The following GPS2 variants were observed in gnomAD, a reference collection of about 807,000 sequenced individuals.
GPS2 encodes the protein GPS-2.
In GPS2, 22 loss-of-function variants were observed where a neutral mutation model predicts 48.1. That is an observed-to-expected ratio of 0.46 (90% confidence interval 0.33 to 0.65). The LOEUF (loss-of-function observed/expected upper bound fraction) is 0.65, where lower values mean the gene tolerates loss of function less well. Ranked by LOEUF, GPS2 falls within the 30% of genes least tolerant of loss-of-function variation. The pLI, the probability that GPS2 is intolerant of heterozygous loss-of-function variation, is 0.03. For missense variants in GPS2, 366 were observed against 406.8 expected (o/e 0.90, Z 0.86); for synonymous variants, 202 against 142.5 (o/e 1.42, Z -2.98).
Position 7,314,530 on chromosome 17 carries a change from CT to C in GPS2, c.161del (p.Lys54ArgfsTer9). Reference protein sequence around the residue: ...MKEEQERRKKKEMEERMSLEE... With the variant: ...MKEEQERRKKXEMEERMSLEE... ...CTAATGACATTCTCTCTTCCATCTC[CT>C]TTTTCTTCCTTCTCTCCTGTTCTTC... On this transcript the variant is annotated frameshift_variant, in exon 3 of 11. Transcript: ENST00000380728. LOFTEE classifies it high-confidence loss of function. The C allele has an allele frequency of 6.2e-7, 1 of 1,613,996 alleles. No individual in the cohort carries two copies. The highest frequency in any genetic ancestry group is 8.5e-7 in the Non-Finnish European group (1 of 1,179,848).
In GPS2 at chr17:7,315,350, T is replaced by C; in HGVS notation, c.-87A>G. On this transcript the variant is annotated 5_prime_UTR_variant, in exon 1 of 11. Coordinates refer to ENST00000380728, the MANE Select transcript of GPS2 (RefSeq NM_004489.5). ...TCCTACCCGCCTTCTCTGCGCTTTC[T>C]CAGCGGCTCCGACGCGCCCTGGCCC... is the stretch of plus-strand genomic sequence containing the variant. 2.5e-6 allele frequency: 1 copy of C among 393,228 alleles called. No individual in the cohort carries two copies. Among genetic ancestry groups the C allele is most frequent in the Non-Finnish European group, 4.5e-6 (1 of 223,298 alleles). 24.4% of individuals were successfully genotyped at this position (393,228 alleles called of 1,614,324 possible). A position where few individuals can be genotyped will look rare whatever the true frequency, so the allele number is the denominator to read the frequency against.
At chr17:7,314,788 C>T in intron 2 of GPS2, 171 bp downstream of exon 2, 1 of 1,300,516 alleles carries the variant, frequency 7.7e-7, no homozygotes, top group South Asian at 1.3e-5. Flanking sequence ...CTTCCCATCT[C>T]AAGGGTTCTG....
rs1235634360 is a variant in GPS2 at position 7,314,110 on chromosome 17, G to T, written c.367C>A (p.His123Asn). The T allele has an allele frequency of 6.2e-7, 1 of 1,614,140 alleles. No individual in the cohort carries two copies. The highest frequency in any genetic ancestry group is 1.1e-5 in the South Asian group (1 of 91,062). Reference protein sequence around the residue: ...SAAYQQSLTVHTGTHLLSMQG... With the variant: ...SAAYQQSLTVNTGTHLLSMQG... ...ATGCTGAGGAGATGAGTTCCTGTGT[G>T]AACAGTCAGGCTCTGCTGGTATGCA... Residue 123 changes from histidine to asparagine, a missense_variant, in exon 5 of 11, where the codon CAC becomes AAC. Transcript: ENST00000380728.
At chr17:7,313,157 C>G in intron 9 of GPS2, 33 bp from the exon 10 acceptor site, 1 of 1,608,194 alleles carries the variant, frequency 6.2e-7, no homozygotes, top group Non-Finnish European at 8.5e-7. Flanking sequence ...CTGAGGCATA[C>G]TGAAGCTCCC....
At position 7,314,048 on chromosome 17, in the gene GPS2, C is replaced by T. The variant is rs57589460; in HGVS notation, c.397+32G>A. On this transcript the variant is annotated intron_variant, in intron 5 of 10. Transcript: ENST00000380728. ...GGGAGGCTGTGACCTCCAAGAAGGC[C>T]GGTTCCATCTGGTGGTTTCTTTAGT... 270 of 1,610,552 alleles carry T rather than the reference C, an allele frequency of 1.7e-4. 1 individual carries two copies. In the East Asian group the frequency reaches 5.6e-3, roughly 34 times the overall value.
intron 2 of GPS2, 44 bp downstream of exon 2, chr17:7,314,915 A>G: frequency 6.5e-7 from 1 of 1,544,914 alleles, no homozygotes; most frequent in South Asian, 1.2e-5. Flanking sequence ...GAGGTACAGG[A>G]GCCATTCTGG....
Position 7,314,548 on chromosome 17 carries a change from C to G in GPS2, c.144G>C (p.Gln48His). The G allele has an allele frequency of 1.2e-6, 2 of 1,613,616 alleles. No homozygotes were observed. The highest frequency in any genetic ancestry group is 1.3e-5 in the African/African-American group (1 of 75,036). Residue 48 changes from glutamine to histidine, a missense_variant, in exon 3 of 11, where the codon CAG (glutamine) becomes CAC (histidine). Physicochemically the swap from Gln to His is conservative, Grantham distance 24 (BLOSUM62 0). This residue lies in a region of GPS2 where 88 missense variants were observed against 107.4 expected (regional missense o/e 0.82). Coordinates refer to ENST00000380728, the MANE Select transcript of GPS2 (RefSeq NM_004489.5). ...CCATCTCCTTTTTCTTCCTTCTCTC[C>G]TGTTCTTCCTTCATCTTCTGTTCCA... is the stretch of plus-strand genomic sequence containing the variant. Reference protein sequence around the residue: ...KMMEQKMKEEQERRKKKEMEE... With the variant: ...KMMEQKMKEEHERRKKKEMEE...
chr17:7,314,726 C>T, intron 2 of GPS2, 129 bp from the exon 3 acceptor site: 1 of 1,538,350 alleles, frequency 6.5e-7, no homozygotes, highest in South Asian at 1.2e-5. Context: ...GGACAAGCTC[C>T]CCATCGCGGC....
Position 7,312,766 on chromosome 17 carries a change from T to G in GPS2, c.974A>C (p.Tyr325Ser), listed in dbSNP as rs776473038. The change falls in exon 11 of 11, where the codon TAC (tyrosine) becomes TCC (serine). Residue 325 changes from tyrosine to serine, a missense_variant. Physicochemically the swap from Tyr to Ser is moderately radical, Grantham distance 144. Around this residue, in one of 3 missense-constraint regions of GPS2, gnomAD observed 275 missense variants for 282.3 expected, o/e 0.97. Coordinates refer to ENST00000380728, the MANE Select transcript of GPS2 (RefSeq NM_004489.5). ...FIQHSQNPRF[Y>S]HK ...GATATAATCTGATGGTCACTTGTGG[T>G]AGAATCGCGGGTTCTGGCTGTGTTG... 3.7e-6 allele frequency: 6 copies of G among 1,613,532 alleles called. No homozygotes were observed. The highest frequency in any genetic ancestry group is 5.1e-6 in the Non-Finnish European group (6 of 1,179,612).
rs1238534513 is a variant in GPS2 at position 7,315,007 on chromosome 17, T to C, written c.46A>G (p.Arg16Gly). Residue 16 changes from arginine to glycine, a missense_variant, in exon 2 of 11, where the codon AGG becomes GGG. Transcript: ENST00000380728. The part of the protein sequence containing the change: ...ERPKLSNAMA[R>G]ALHRHIMMER... ...ATCATAATGTGCCGGTGCAGCGCCC[T>C]GGCCATGGCGTTGGAAAGCTTGGGG... 1.2e-6 allele frequency: 2 copies of C among 1,604,482 alleles called. No individual in the cohort carries two copies. Among genetic ancestry groups the C allele is most frequent in the Admixed American group, 1.7e-5 (1 of 59,036 alleles).
rs1567615267 is a variant in GPS2, at chr17:7,313,049, G to T, written c.880C>A (p.Gln294Lys). ...GLLASPQLPV[Q>K]MQPAGKSGFA... is the part of the protein sequence containing the mutation. ...CTTACCTTTCCTGCTGGCTGCATCT[G>T]CACAGGGAGCTGGGGGGAAGCAAGG... Residue 294 changes from glutamine (Q) to lysine (K), a missense_variant, in exon 10 of 11, where the codon CAG (glutamine) becomes AAG (lysine). By Grantham distance (53) the Gln-to-Lys change is moderately conservative. This residue lies in a region of GPS2 where 275 missense variants were observed against 282.3 expected (regional missense o/e 0.97). Transcript: ENST00000380728. The T allele has an allele frequency of 6.4e-7, 1 of 1,555,246 alleles. No individual in the cohort carries two copies. The highest frequency in any genetic ancestry group is 1.2e-5 in the South Asian group (1 of 81,370).
At chr17:7,314,884 C>A in intron 2 of GPS2, 75 bp downstream of exon 2, 1 of 1,500,508 alleles carries the variant, frequency 6.7e-7, no homozygotes, top group African/African-American at 1.4e-5. Flanking sequence ...GCTGGTTGGC[C>A]GGTGGGTTGA....
rs1003523035 is a variant in GPS2, at chr17:7,313,204, A to G, written c.804+8T>C. The G allele has an allele frequency of 2.5e-6, 4 of 1,613,612 alleles. No homozygotes were observed. Among genetic ancestry groups the G allele is most frequent in the Non-Finnish European group, 3.4e-6 (4 of 1,179,522 alleles). On this transcript the variant is annotated splice_region_variant and intron_variant, in intron 9 of 10. Transcript: ENST00000380728. ...CCTAACCCTGACCTCCCAAGGTGCCATACTCACTGAGTCGGAGAAGCCAGT... is the reference window on the plus strand; with the variant it reads ...CCTAACCCTGACCTCCCAAGGTGCCGTACTCACTGAGTCGGAGAAGCCAGT...
chr17:7,315,141 G>C (rs1189688361), intron 1 of GPS2, 22 bp from the exon 2 acceptor site: 1 of 984,728 alleles, frequency 1.0e-6, no homozygotes, highest in Non-Finnish European at 1.4e-6. Context: ...CGGGCGCTCA[G>C]AGGGGGCCGC....
chr17:7,312,723 G>C lies in GPS2; in HGVS notation c.*33C>G, dbSNP rs374342877. The C allele has an allele frequency of 6.8e-5, 102 of 1,496,098 alleles. No individual in the cohort carries two copies. The highest frequency in any genetic ancestry group is 3.8e-4 in the South Asian group (34 of 88,742). The allele number at this position is 1,496,098 out of a possible 1,614,324, so 92.7% of individuals were successfully genotyped here. On this transcript the variant is annotated 3_prime_UTR_variant, in exon 11 of 11. Transcript: ENST00000380728. ...GGGATACCCTCACCCACGATGGGGT[G>C]GGGGGTGTGGTGTTGAAGATATAAT...
chr17:7,313,035 T>G lies in GPS2; in HGVS notation c.894A>C (p.Ala298=). ...SPQLPVQMQP[A]GKSGFAATSQ... ...ATTCTATTACCATTCTTACCTTTCC[T>G]GCTGGCTGCATCTGCACAGGGAGCT... is the stretch of plus-strand genomic sequence containing the variant. Residue 298 remains alanine, a synonymous_variant, in exon 10 of 11, where the codon GCA becomes GCC. Transcript: ENST00000380728. 1 of 1,547,952 alleles carries G rather than the reference T, an allele frequency of 6.5e-7. No individual in the cohort carries two copies. The highest frequency in any genetic ancestry group is 8.7e-7 in the Non-Finnish European group (1 of 1,145,786).
Position 7,313,985 on chromosome 17 carries a change from C to T in GPS2, c.401G>A (p.Ser134Asn). 1 of 1,613,876 alleles carries T rather than the reference C, an allele frequency of 6.2e-7. No homozygotes were observed. The highest frequency in any genetic ancestry group is 2.2e-5 in the East Asian group (1 of 44,876). The change falls in exon 6 of 11, where the codon AGC becomes AAC. Residue 134 changes from serine to asparagine, a missense_variant. Ser to Asn is a conservative substitution (Grantham distance 46). Transcript: ENST00000380728. ...GCCTGGGCGATTGTGTCCTCCAGGGCTCCCTAGAAAGGGAGAAGGGCTTCA... is the reference window on the plus strand; with the variant it reads ...GCCTGGGCGATTGTGTCCTCCAGGGTTCCCTAGAAAGGGAGAAGGGCTTCA... ...TGTHLLSMQG[S>N]PGGHNRPGTL...
chr17:7,313,619 G>T lies in GPS2; in HGVS notation c.583C>A (p.Pro195Thr). ...GCTGGCTGTGTGGGCCCATAGTGAG[G>T]TGGGGGCTGAGCAGTCCCATAGGCA... ...GGAYGTAQPPPHYGPTQPAYS... is the reference protein window; with the variant it reads ...GGAYGTAQPPTHYGPTQPAYS... Residue 195 changes from proline to threonine, a missense_variant, in exon 7 of 11, where the codon CCT (proline) becomes ACT (threonine). Pro to Thr is a conservative substitution (Grantham distance 38, BLOSUM62 -1). Around this residue, in one of 3 missense-constraint regions of GPS2, gnomAD observed 275 missense variants for 282.3 expected, o/e 0.97. Coordinates refer to ENST00000380728, the MANE Select transcript of GPS2 (RefSeq NM_004489.5). 1 of 1,614,062 alleles carries T rather than the reference G, an allele frequency of 6.2e-7. No individual in the cohort carries two copies. Among genetic ancestry groups the T allele is most frequent in the African/African-American group, 1.3e-5 (1 of 74,984 alleles).
chr17:7,313,163 C>G (rs1247078072), intron 9 of GPS2, 39 bp from the exon 10 acceptor site: 4 of 1,607,054 alleles, frequency 2.5e-6, no homozygotes, highest in Non-Finnish European at 3.4e-6. Context: ...CATACTGAAG[C>G]TCCCCTTAAC....
Sources: gnomAD v4.1 joint callset for allele counts on GRCh38, gnomAD v4.1.1 for gene constraint, gnomAD v4.1.1 regional missense constraint, MANE v1.5 for transcripts, NCBI Gene and HGNC (gene_info 2026-07-23, HGNC 2026-07-21) for gene names.